PDE9A: variants seen among roughly 807,000 people sequenced by gnomAD.
The protein encoded by PDE9A is phosphodiesterase 9A, also known as high affinity cGMP-specific 3',5'-cyclic phosphodiesterase 9A.
In PDE9A, 60 loss-of-function variants were observed where a neutral mutation model predicts 87.4. The ratio of observed to expected loss-of-function variants is 0.69; its 90% CI spans 0.56 to 0.85. The LOEUF is 0.85. PDE9A is among the 40% of genes least tolerant of loss of function. The pLI, the probability that PDE9A is intolerant of heterozygous loss-of-function variation, is 0.00. For synonymous variants in PDE9A, 272 were observed against 279.4 expected (o/e 0.97, Z 0.27); for missense variants, 665 against 779.0 (o/e 0.85, Z 1.74).
chr21:42,757,780 C>A (rs561522502), intron 10 of PDE9A: 1 of 152,322 alleles, frequency 6.6e-6, no homozygotes, highest in African/African-American at 2.4e-5. Flanking sequence ...GCACATGCAT[C>A]CCAGGTGCTC....
At chr21:42,677,187 TGAG>T (rs1183239655) in intron 1 of PDE9A, among the ~76,000 whole-genome samples, 2 of 152,222 alleles carry the variant, frequency 1.3e-5, no homozygotes, top group African/African-American at 4.8e-5. Flanking sequence ...ATAATTATAA[TGAG>T]GAAAATTTCG....
chr21:42,719,207 T>C (rs1159931012), intron 4 of PDE9A, among the ~76,000 whole-genome samples: 1 of 151,792 alleles, frequency 6.6e-6, no homozygotes, highest in Non-Finnish European at 1.5e-5. Context: ...CTTCCTCCTT[T>C]GGGAACTCTC....
At chr21:42,663,101 C>T (rs929561782) in intron 1 of PDE9A, among the ~76,000 whole-genome samples, 13 of 148,898 alleles carry the variant, frequency 8.7e-5, no homozygotes, top group African/African-American at 2.2e-4. Context: ...ATGCACACCA[C>T]ATACACGCAC....
rs3928097 is a variant in PDE9A at position 42,760,626 on chromosome 21, G to A, written c.1002+194G>A. 0.93 allele frequency among the ~76,000 whole-genome samples: 140,993 copies of A among 151,772 alleles called. 65,839 individuals are homozygous for A. Among genetic ancestry groups the A allele is most frequent in the Non-Finnish European group, 0.98 (66,459 of 67,924 alleles). ...TGGGCGAGGCTGCTCCTAGGATTAC[G>A]AGAGCAGGTGAGTCCCCGACCTGGT... On this transcript the variant is annotated intron_variant, in intron 12 of 19. Coordinates refer to ENST00000291539, the MANE Select transcript of PDE9A (RefSeq NM_002606.3). The surrounding 1 kb of genome is among the most constrained non-coding windows in gnomAD (Gnocchi z 5.2).
intron 9 of PDE9A, 67 bp from the exon 10 acceptor site, chr21:42,753,923 C>G: frequency 1.3e-6 from 1 of 747,974 alleles, no homozygotes; most frequent in Non-Finnish European, 2.3e-6. Context: ...GGAGAAATAT[C>G]TCAGCATGCA....
In PDE9A at chr21:42,702,712, A is replaced by G. The variant is rs2048474803; in HGVS notation, c.262+3701A>G. 6.6e-6 allele frequency among the ~76,000 whole-genome samples: 1 copy of G among 152,240 alleles called. No homozygotes were observed. Among genetic ancestry groups the G allele is most frequent in the African/African-American group, 2.4e-5 (1 of 41,456 alleles). ...AGGGCCCTTACCCCAGGGATAGCTC[A>G]GTCCTACTAAGACTTGATCCCTTTG... is the stretch of plus-strand genomic sequence containing the variant. On this transcript the variant is annotated intron_variant, in intron 4 of 19. Transcript: ENST00000291539. This position sits in a 1 kb window ranked among gnomAD's most constrained non-coding sequence, Gnocchi z 4.9.
Position 42,751,182 on chromosome 21 carries a change from T to A in PDE9A, c.720T>A (p.Val240=). Residue 240 remains valine (V), a synonymous_variant, in exon 9 of 20, where the codon GTT becomes GTA. Coordinates refer to ENST00000291539, the MANE Select transcript of PDE9A (RefSeq NM_002606.3). Reference sequence around the variant, plus strand: ...AGAAGTTGACTCCTCGACGCGATGTTCCCACTTACCCCAAGGTAAGATGAG... The same window carrying A: ...AGAAGTTGACTCCTCGACGCGATGTACCCACTTACCCCAAGGTAAGATGAG... ...NHKKLTPRRD[V]PTYPKYLLSP... 6.2e-7 allele frequency: 1 copy of A among 1,611,488 alleles called. No individual in the cohort carries two copies. Among genetic ancestry groups the A allele is most frequent in the Non-Finnish European group, 8.5e-7 (1 of 1,177,638 alleles).
intron 7 of PDE9A, among the ~76,000 whole-genome samples, chr21:42,736,122 C>T (rs1259116349): frequency 6.6e-6 from 1 of 152,106 alleles, no homozygotes; most frequent in Non-Finnish European, 1.5e-5. Context: ...CAGCCTTCCC[C>T]ATCTCCTACG....
At chr21:42,668,345 T>C (rs1416210321) in intron 1 of PDE9A, among the ~76,000 whole-genome samples, 1 of 152,104 alleles carries the variant, frequency 6.6e-6, no homozygotes, top group African/African-American at 2.4e-5. Context: ...ACAGAGGCCC[T>C]GGGAGAAGTG....
chr21:42,767,607 G>A (rs2147169157), intron 15 of PDE9A, among the ~76,000 whole-genome samples: 1 of 152,336 alleles, frequency 6.6e-6, no homozygotes, highest in South Asian at 2.1e-4. Context: ...GGGGGCATGT[G>A]CCTCAGCTGG....
At position 42,737,035 on chromosome 21, in the gene PDE9A, G is replaced by A. The variant is rs559333646; in HGVS notation, c.568+3609G>A. ...TTTAGGAAGCTTGGAGGGCAGAAAC[G>A]GAAAGTCCTTTTGAGGAGAGGGCCT... On this transcript the variant is annotated intron_variant, in intron 7 of 19. Coordinates refer to ENST00000291539, the MANE Select transcript of PDE9A (RefSeq NM_002606.3). Among the ~76,000 whole-genome samples, 649 of 152,356 alleles carry A rather than the reference G, an allele frequency of 4.3e-3. 4 individuals carry two copies. Among genetic ancestry groups the A allele is most frequent in the African/African-American group, 0.015 (610 of 41,590 alleles).
intron 1 of PDE9A, among the ~76,000 whole-genome samples, chr21:42,666,659 C>T (rs1454531956): frequency 6.6e-6 from 1 of 152,208 alleles, no homozygotes; most frequent in African/African-American, 2.4e-5. Flanking sequence ...CGTGTCCATG[C>T]AGGGCCGAGC....
In PDE9A at chr21:42,719,224, A is replaced by C. The variant is rs186317141; in HGVS notation, c.263-12546A>C. On this transcript the variant is annotated intron_variant, in intron 4 of 19. Transcript: ENST00000291539. ...TCCTCCTTTGGGAACTCTCCTTTCCATTTCCATCCTCTCTGACAACCTAAA... is the reference window on the plus strand; with the variant it reads ...TCCTCCTTTGGGAACTCTCCTTTCCCTTTCCATCCTCTCTGACAACCTAAA... 2.0e-4 allele frequency among the ~76,000 whole-genome samples: 30 copies of C among 151,882 alleles called. No homozygotes were observed. In the East Asian group the frequency reaches 5.6e-3, roughly 28 times the overall value.
chr21:42,684,429 G>A (rs544284027), intron 1 of PDE9A, among the ~76,000 whole-genome samples: 3 of 152,328 alleles, frequency 2.0e-5, no homozygotes, highest in East Asian at 1.9e-4. Context: ...ACAACTCCAC[G>A]GGCATAGCCT....
In PDE9A at chr21:42,751,186, A is replaced by C; in HGVS notation, c.724A>C (p.Thr242Pro). ...KKLTPRRDVP[T>P]YPKYLLSPET... ...GTTGACTCCTCGACGCGATGTTCCC[A>C]CTTACCCCAAGGTAAGATGAGATTC... is the stretch of plus-strand genomic sequence containing the variant. Residue 242 changes from threonine to proline, a missense_variant, in exon 9 of 20, where the codon ACT (threonine) becomes CCT (proline). Coordinates refer to ENST00000291539, the MANE Select transcript of PDE9A (RefSeq NM_002606.3). The C allele has an allele frequency of 1.2e-6, 2 of 1,610,010 alleles. No homozygotes were observed. The highest frequency in any genetic ancestry group is 1.7e-4 in the Middle Eastern group (1 of 6,046).
intron 1 of PDE9A, among the ~76,000 whole-genome samples, chr21:42,682,681 C>G (rs1177532120): frequency 1.3e-5 from 2 of 152,246 alleles, no homozygotes; most frequent in African/African-American, 4.8e-5. Flanking sequence ...CAGAGTAGAG[C>G]CTTTTTTCCC....
chr21:42,686,127 GC>G, intron 1 of PDE9A, 64 bp from the exon 2 acceptor site: 1 of 1,192,550 alleles, frequency 8.4e-7, no homozygotes. Flanking sequence ...GAAGCACGTG[GC>G]GTCTGACGTC....
intron 4 of PDE9A, among the ~76,000 whole-genome samples, chr21:42,724,244 C>CAG (rs1182896619): frequency 3.3e-5 from 5 of 152,264 alleles, no homozygotes; most frequent in African/African-American, 9.6e-5. Flanking sequence ...AAGGGGAGGT[C>CAG]AGAGGAAAAC....
intron 3 of PDE9A, chr21:42,689,714 A>C (rs59613841): frequency 1.0e-6 from 1 of 985,314 alleles, no homozygotes; most frequent in Non-Finnish European, 1.2e-6. Context: ...TATCAGACAC[A>C]CCAGACAAAA....
Sources: allele counts gnomAD v4.1 joint callset (sites outside exome capture counted in the v4.1 genomes callset), GRCh38; gene constraint gnomAD v4.1.1; non-coding constraint Gnocchi (gnomAD v3.1); transcripts MANE v1.5; gene names NCBI Gene and HGNC (gene_info 2026-07-23, HGNC 2026-07-21).